Variants in LTBP1 observed in about 807,000 individuals in gnomAD.
LTBP1 encodes latent transforming growth factor beta binding protein 1.
A neutral mutation model predicts 207.6 loss-of-function variants in LTBP1; 129 were observed. The observed-to-expected ratio is 0.62, with a 90% CI of 0.54 to 0.72. The LOEUF is 0.72. Ranked by LOEUF, LTBP1 falls within the 30% of genes least tolerant of loss-of-function variation. LTBP1 has a pLI of 0.00. For missense variants in LTBP1, 2,281 were observed against 2,217.2 expected (o/e 1.03, Z -0.58); for synonymous variants, 963 against 833.7 (o/e 1.16, Z -2.67).
intron 24 of LTBP1, among the ~76,000 whole-genome samples, chr2:33,339,653 T>G (rs930183152): frequency 1.3e-5 from 2 of 148,334 alleles, no homozygotes; most frequent in African/African-American, 2.5e-5. Context: ...GATTTGTCCT[T>G]TTTTTTTTTG....
At chr2:33,360,827 G>C (rs1430626490) in intron 27 of LTBP1, 48 bp downstream of exon 27, 1 of 1,550,896 alleles carries the variant, frequency 6.4e-7, no homozygotes, top group East Asian at 2.2e-5. Flanking sequence ...TGGTCACATG[G>C]TGTCCCTGGG....
chr2:33,291,001 T>C (rs1392074213), intron 19 of LTBP1, among the ~76,000 whole-genome samples: 1 of 152,230 alleles, frequency 6.6e-6, no homozygotes, highest in African/African-American at 2.4e-5. Context: ...AGAGATTCTT[T>C]AGTGATATTT....
At chr2:33,183,061 A>G (rs144261194) in intron 5 of LTBP1, among the ~76,000 whole-genome samples, 38 of 152,302 alleles carry the variant, frequency 2.5e-4, no homozygotes, top group African/African-American at 7.0e-4. Flanking sequence ...AACTGATGAT[A>G]TAGAGTATTT....
At chr2:32,972,927 G>C (rs369419955) in intron 2 of LTBP1, among the ~76,000 whole-genome samples, 1 of 152,252 alleles carries the variant, frequency 6.6e-6, no homozygotes, top group South Asian at 2.1e-4. Flanking sequence ...AGTGGAGTGA[G>C]AACAGACTAA....
At position 33,257,289 on chromosome 2, in the gene LTBP1, T is replaced by G; in HGVS notation, c.2173T>G (p.Phe725Val). The stretch of plus-strand genomic sequence containing the variant: ...TTTTCCCATCCCAAATCTAGCTGCT[T>G]TTAAGGAAATCTGTCCTGGTGGAAT... ...EKCPLPGTAAFKEICPGGMGY... is the reference protein window; with the variant it reads ...EKCPLPGTAAVKEICPGGMGY... Residue 725 changes from phenylalanine to valine, a missense_variant, in exon 12 of 34, where the codon TTT becomes GTT. By Grantham distance (50) the Phe-to-Val change is conservative. Coordinates refer to ENST00000404816, the MANE Select transcript of LTBP1 (RefSeq NM_206943.4). 6.2e-7 allele frequency: 1 copy of G among 1,612,000 alleles called. No homozygotes were observed. The highest frequency in any genetic ancestry group is 8.5e-7 in the Non-Finnish European group (1 of 1,178,110).
intron 32 of LTBP1, among the ~76,000 whole-genome samples, chr2:33,392,807 C>G (rs1295309053): frequency 2.0e-5 from 3 of 151,374 alleles, no homozygotes; most frequent in Admixed American, 2.0e-4. Context: ...TACATGGGAT[C>G]TGAAAATATT....
At chr2:33,242,685 TA>T (rs200164588) in intron 9 of LTBP1, among the ~76,000 whole-genome samples, 64,545 of 138,208 alleles carry the variant, frequency 0.47, 14,639 homozygotes, top group Admixed American at 0.49. Flanking sequence ...CAGTTGTTCT[TA>T]AAAAAAAAAA....
intron 32 of LTBP1, among the ~76,000 whole-genome samples, chr2:33,390,117 G>A (rs13385066): frequency 0.38 from 57,913 of 151,962 alleles, 13,330 homozygotes; most frequent in African/African-American, 0.66. Flanking sequence ...GGAGGTAAGA[G>A]AAGAATTGCC....
At chr2:33,198,642 G>A (rs908684544) in intron 7 of LTBP1, among the ~76,000 whole-genome samples, 31 of 152,260 alleles carry the variant, frequency 2.0e-4, no homozygotes, top group African/African-American at 7.0e-4. Flanking sequence ...TGTATATGTC[G>A]AGGAATTTAT....
At chr2:33,162,292 C>T (rs936671085) in intron 5 of LTBP1, among the ~76,000 whole-genome samples, 9 of 152,110 alleles carry the variant, frequency 5.9e-5, no homozygotes, top group Non-Finnish European at 1.0e-4. Context: ...GTGGTCAATA[C>T]CTTAAAAATA....
intron 3 of LTBP1, among the ~76,000 whole-genome samples, chr2:33,052,016 A>G (rs904929472): frequency 2.0e-5 from 3 of 152,234 alleles, no homozygotes; most frequent in Non-Finnish European, 4.4e-5. Context: ...TCAGCATTGC[A>G]TGTCTCAGTC....
At chr2:33,290,590 G>A (rs1028350570) in intron 19 of LTBP1, among the ~76,000 whole-genome samples, 7 of 152,240 alleles carry the variant, frequency 4.6e-5, no homozygotes, top group Non-Finnish European at 1.0e-4. Context: ...TTAAAAGACT[G>A]TGGCAGTAAC....
intron 3 of LTBP1, among the ~76,000 whole-genome samples, chr2:33,070,329 G>C (rs2077725618): frequency 6.6e-6 from 1 of 152,200 alleles, no homozygotes; most frequent in Non-Finnish European, 1.5e-5. Context: ...GGTGACGGTG[G>C]CCCTAAGTGA....
chr2:33,252,797 G>T lies in LTBP1; in HGVS notation c.2120G>T (p.Gly707Val). 1 of 1,613,460 alleles carries T rather than the reference G, an allele frequency of 6.2e-7. No homozygotes were observed. The highest frequency in any genetic ancestry group is 8.5e-7 in the Non-Finnish European group (1 of 1,179,536). Reference protein sequence around the residue: ...LTKQLCCCSVGKAWGPHCEKC... With the variant: ...LTKQLCCCSVVKAWGPHCEKC... ...AAGCAGCTCTGCTGTTGTAGTGTGGGCAAGGCCTGGGGCCCACACTGTGAG... is the reference window on the plus strand; with the variant it reads ...AAGCAGCTCTGCTGTTGTAGTGTGGTCAAGGCCTGGGGCCCACACTGTGAG... The change falls in exon 11 of 34, where the codon GGC becomes GTC. Residue 707 changes from glycine (G) to valine (V), a missense_variant. This residue lies in a region of LTBP1 where 1,671 missense variants were observed against 1,634.8 expected (regional missense o/e 1.02). Coordinates refer to ENST00000404816, the MANE Select transcript of LTBP1 (RefSeq NM_206943.4).
intron 3 of LTBP1, among the ~76,000 whole-genome samples, chr2:33,076,373 A>G (rs1049257079): frequency 5.9e-5 from 9 of 152,146 alleles, no homozygotes; most frequent in African/African-American, 1.9e-4. Context: ...GAGAGGTCTC[A>G]AGGAGAGGTG....
rs1270651462 is a variant in LTBP1 at position 33,371,971 on chromosome 2, CATT to C, written c.4711+6470_4711+6472del. On this transcript the variant is annotated intron_variant, in intron 31 of 33. Transcript: ENST00000404816. ...GTCCATACTGTGTATGCTACTTGCC[CATT>C]AGTCACTTAGTAGCAGCTCCATTAT... 3.3e-5 allele frequency among the ~76,000 whole-genome samples: 5 copies of C among 152,212 alleles called. No individual in the cohort carries two copies. The East Asian group carries it at 9.6e-4, about 29-fold the overall frequency.
chr2:33,078,819 T>G (rs889565020), intron 3 of LTBP1, among the ~76,000 whole-genome samples: 3 of 151,188 alleles, frequency 2.0e-5, no homozygotes, highest in Non-Finnish European at 2.9e-5. Context: ...TAGAATAATT[T>G]TTCTTTTCTT....
At chr2:33,349,689 T>G (rs2094753666) in intron 26 of LTBP1, among the ~76,000 whole-genome samples, 1 of 152,254 alleles carries the variant, frequency 6.6e-6, no homozygotes, top group Non-Finnish European at 1.5e-5. Flanking sequence ...CACACCTAAT[T>G]TGACAGCATT....
chr2:33,317,040 A>C (rs2094284507), intron 24 of LTBP1, among the ~76,000 whole-genome samples: 1 of 152,256 alleles, frequency 6.6e-6, no homozygotes, highest in African/African-American at 2.4e-5. Context: ...TATACTAAAC[A>C]TAAATATATT....
Sources: gnomAD v4.1 joint callset for allele counts (sites outside exome capture counted in the v4.1 genomes callset) on GRCh38, gnomAD v4.1.1 for gene constraint, gnomAD v4.1.1 regional missense constraint, MANE v1.5 for transcripts, NCBI Gene and HGNC (gene_info 2026-07-23, HGNC 2026-07-21) for gene names.